Variants in THSD4 observed in about 807,000 individuals in gnomAD.
THSD4 encodes the protein thrombospondin type 1 domain containing 4, also known as thrombospondin type-1 domain-containing protein 4.
THSD4 carries 69 observed loss-of-function variants against 119.0 expected under a neutral mutation model. The ratio of observed to expected loss-of-function variants is 0.58; its 90% confidence interval spans 0.48 to 0.71. The LOEUF is 0.71. THSD4 is among the 30% of genes least tolerant of loss of function. The pLI is 0.00. For missense variants in THSD4, 1,393 were observed against 1,391.1 expected (o/e 1.00, Z -0.02); for synonymous variants, 524 against 540.4 (o/e 0.97, Z 0.42).
chr15:71,745,029 ATC>A lies in THSD4; in HGVS notation c.1907-73_1907-72del, dbSNP rs1176211526. 4 of 1,534,948 alleles carry A rather than the reference ATC, an allele frequency of 2.6e-6. No individual in the cohort carries two copies. The African/African-American group carries it at 5.5e-5, about 21-fold the overall frequency. ...GTGCCCTCTCTTCATCAGCACCCGA[ATC>A]TCTGTGCATCTCCACCCATAGCCCA... On this transcript the variant is annotated intron_variant, in intron 11 of 17. Transcript: ENST00000261862.
At chr15:71,212,120 C>T (rs768733301) in intron 3 of THSD4, among the ~76,000 whole-genome samples, 3 of 151,984 alleles carry the variant, frequency 2.0e-5, no homozygotes, top group African/African-American at 7.3e-5. Context: ...GCCCTCATCC[C>T]CTCATTTTTT....
chr15:71,210,878 G>A (rs2043883155), intron 3 of THSD4, among the ~76,000 whole-genome samples: 1 of 152,060 alleles, frequency 6.6e-6, no homozygotes, highest in African/African-American at 2.4e-5. Flanking sequence ...TCCTATTCAT[G>A]AACATTTAGG....
chr15:71,213,870 C>T (rs1371272580), intron 3 of THSD4, among the ~76,000 whole-genome samples: 2 of 152,208 alleles, frequency 1.3e-5, no homozygotes, highest in South Asian at 2.1e-4. Context: ...CCCCTTACAG[C>T]TTACAAGGTA....
intron 7 of THSD4, among the ~76,000 whole-genome samples, chr15:71,512,958 C>G (rs1382506688): frequency 2.0e-5 from 3 of 152,122 alleles, no homozygotes; most frequent in African/African-American, 7.2e-5. Flanking sequence ...CATCTTGGTG[C>G]AGGAAGCTCA....
intron 8 of THSD4, among the ~76,000 whole-genome samples, chr15:71,681,703 G>T (rs1339722024): frequency 6.6e-6 from 1 of 151,756 alleles, no homozygotes; most frequent in African/African-American, 2.4e-5. Flanking sequence ...GTTTTACATG[G>T]CACATGCCTT....
At chr15:71,124,772 G>T (rs868810820) in intron 1 of THSD4, among the ~76,000 whole-genome samples, 2 of 152,164 alleles carry the variant, frequency 1.3e-5, no homozygotes, top group Non-Finnish European at 2.9e-5. Context: ...GCTAGGCACG[G>T]TGGCTCATGC....
chr15:71,285,121 T>A (rs986072223), intron 6 of THSD4, among the ~76,000 whole-genome samples: 1 of 152,170 alleles, frequency 6.6e-6, no homozygotes, highest in Non-Finnish European at 1.5e-5. Context: ...TAAGTACCAT[T>A]CTTACTATGA....
At chr15:71,687,202 C>T (rs987051769) in intron 8 of THSD4, among the ~76,000 whole-genome samples, 3 of 152,192 alleles carry the variant, frequency 2.0e-5, no homozygotes, top group Non-Finnish European at 2.9e-5. Flanking sequence ...CACTAGATGT[C>T]CACCTTCTTT....
chr15:71,267,007 G>A (rs1482286926), intron 6 of THSD4, among the ~76,000 whole-genome samples: 14 of 152,060 alleles, frequency 9.2e-5, no homozygotes, highest in African/African-American at 2.2e-4. Flanking sequence ...TGAAAGTGAC[G>A]GGAAGAATGG....
chr15:71,423,490 T>G (rs866725169), intron 7 of THSD4, among the ~76,000 whole-genome samples: 1 of 152,200 alleles, frequency 6.6e-6, no homozygotes, highest in South Asian at 2.1e-4. Context: ...AAATGTCTTC[T>G]GGGAACTACG....
At chr15:71,342,913 T>C (rs1267066518) in intron 6 of THSD4, 1 of 152,342 alleles carries the variant, frequency 6.6e-6, no homozygotes, top group African/African-American at 2.4e-5. Flanking sequence ...AGTTTTTCTG[T>C]TCTCTTCCTC....
intron 6 of THSD4, among the ~76,000 whole-genome samples, chr15:71,346,753 G>A (rs905917937): frequency 1.3e-5 from 2 of 151,306 alleles, no homozygotes; most frequent in African/African-American, 4.9e-5. Flanking sequence ...TGCGTCTTAT[G>A]TATGTAAGCA....
chr15:71,393,137 G>C (rs2046397883), intron 6 of THSD4, among the ~76,000 whole-genome samples: 1 of 152,018 alleles, frequency 6.6e-6, no homozygotes, highest in Admixed American at 6.6e-5. Context: ...AGCTTACTCA[G>C]GGGGATTATG....
chr15:71,239,965 A>G (rs1297421952), intron 4 of THSD4, among the ~76,000 whole-genome samples: 2 of 152,116 alleles, frequency 1.3e-5, no homozygotes, highest in Non-Finnish European at 2.9e-5. Context: ...TCATAAACAC[A>G]CCCAATTTGG....
rs571919441 is a variant in THSD4, at chr15:71,584,413, C to T, written c.1153-76117C>T. Among the ~76,000 whole-genome samples the T allele has an allele frequency of 1.8e-3, 277 of 151,848 alleles. 16 individuals carry two copies. The South Asian group carries it at 0.054, about 30-fold the overall frequency. Reference sequence around the variant, plus strand: ...CCTCCTAAGTAGCTGGGATTACAGGCGTCTACCACCATGCCCAGCTAATTT... The same window carrying T: ...CCTCCTAAGTAGCTGGGATTACAGGTGTCTACCACCATGCCCAGCTAATTT... On this transcript the variant is annotated intron_variant, in intron 7 of 17. Coordinates refer to ENST00000261862, the MANE Select transcript of THSD4 (RefSeq NM_024817.3).
chr15:71,540,034 A>G (rs550279114), intron 7 of THSD4, among the ~76,000 whole-genome samples: 2 of 152,318 alleles, frequency 1.3e-5, no homozygotes, highest in South Asian at 4.1e-4. Flanking sequence ...TAACTCCTAG[A>G]AAAAGTGACA....
intron 6 of THSD4, chr15:71,342,201 T>A (rs2045588925): frequency 5.5e-6 from 1 of 181,608 alleles, no homozygotes. Flanking sequence ...ATTTATTTCC[T>A]GGAGTTTAAA....
chr15:71,240,100 AG>A (rs1438381104), intron 4 of THSD4, among the ~76,000 whole-genome samples: 3 of 152,182 alleles, frequency 2.0e-5, no homozygotes, highest in Admixed American at 6.5e-5. Context: ...GCTTCCCACA[AG>A]GCAATATGAA....
chr15:71,259,848 A>G (rs1055705495), intron 6 of THSD4, among the ~76,000 whole-genome samples: 1 of 152,242 alleles, frequency 6.6e-6, no homozygotes, highest in Non-Finnish European at 1.5e-5. Context: ...TGTCAGAACA[A>G]CAATGCTTTC....
Sources: allele counts gnomAD v4.1 joint callset (sites outside exome capture counted in the v4.1 genomes callset), GRCh38; gene constraint gnomAD v4.1.1; transcripts MANE v1.5; gene names NCBI Gene and HGNC (gene_info 2026-07-23, HGNC 2026-07-21).